Variants in MAST4 observed in about 807,000 individuals in gnomAD.
MAST4 encodes microtubule-associated serine/threonine-protein kinase 4.
MAST4 carries 89 observed loss-of-function variants against 162.7 expected under a neutral mutation model. That is an observed-to-expected ratio of 0.55 (90% CI 0.46 to 0.65). The LOEUF (loss-of-function observed/expected upper bound fraction) is 0.65. MAST4 is among the 30% of genes least tolerant of loss of function. The pLI, the probability that MAST4 is intolerant of heterozygous loss-of-function variation, is 0.00. For missense variants in MAST4, 3,153 were observed against 3,374.0 expected, an observed-to-expected ratio of 0.93 and a Z score of 1.62; for synonymous variants, 1,479 against 1,361.1, an observed-to-expected ratio of 1.09 and a Z score of -1.91.
chr5:66,903,074 G>A (rs890715043), intron 4 of MAST4, among the ~76,000 whole-genome samples: 18 of 152,256 alleles, frequency 1.2e-4, no homozygotes, highest in African/African-American at 3.9e-4. Flanking sequence ...GTACAAGATG[G>A]CATTTATATT....
intron 3 of MAST4, among the ~76,000 whole-genome samples, chr5:66,885,582 T>C (rs1384548665): frequency 1.3e-5 from 2 of 152,200 alleles, no homozygotes; most frequent in Non-Finnish European, 1.5e-5. Flanking sequence ...TTGTTTTTCA[T>C]TAAGAAATGG....
intron 2 of MAST4, among the ~76,000 whole-genome samples, chr5:66,782,673 A>G (rs1398492361): frequency 1.3e-5 from 2 of 152,238 alleles, no homozygotes; most frequent in Non-Finnish European, 2.9e-5. Flanking sequence ...ATTTTTCCAA[A>G]GAACACAGAG....
Position 67,054,449 on chromosome 5 carries a change from A to G in MAST4, c.720A>G (p.Ser240=). Reference sequence around the variant, plus strand: ...AAAGCTTAATAGGCAATGGGCAGTCACCAGCATTGCCTCGACCACACTCAC... The same window carrying G: ...AAAGCTTAATAGGCAATGGGCAGTCGCCAGCATTGCCTCGACCACACTCAC... ...NRKSLIGNGQ[S]PALPRPHSPL... is the part of the protein sequence containing the mutation. Residue 240 remains serine, a synonymous_variant, in exon 5 of 29, where the codon TCA becomes TCG. Coordinates refer to ENST00000403625, the MANE Select transcript of MAST4 (RefSeq NM_001164664.2). 1 of 1,611,754 alleles carries G rather than the reference A, an allele frequency of 6.2e-7. No homozygotes were observed. The highest frequency in any genetic ancestry group is 8.5e-7 in the Non-Finnish European group (1 of 1,179,006).
At chr5:66,623,604 C>T (rs2149410394) in intron 1 of MAST4, among the ~76,000 whole-genome samples, 1 of 152,178 alleles carries the variant, frequency 6.6e-6, no homozygotes, top group South Asian at 2.1e-4. Flanking sequence ...AACTCTGAAC[C>T]AAATAGGCAT....
chr5:66,788,607 C>CCACCCAAA, intron 2 of MAST4, 63 bp from the exon 3 acceptor site: 1 of 1,373,728 alleles, frequency 7.3e-7, no homozygotes, highest in Non-Finnish European at 1.0e-6. Context: ...CCCCCACCCC[C>CCACCCAAA]ATTGCAATAA....
chr5:67,060,818 C>G lies in MAST4; in HGVS notation c.763+6326C>G, dbSNP rs141736801. ...TTTGTAATATTCTACTGCCCCAGGACTTTAACCTTGGAAGATGTGTAGTTG... is the reference window on the plus strand; with the variant it reads ...TTTGTAATATTCTACTGCCCCAGGAGTTTAACCTTGGAAGATGTGTAGTTG... On this transcript the variant is annotated intron_variant, in intron 5 of 28. Coordinates refer to ENST00000403625, the MANE Select transcript of MAST4 (RefSeq NM_001164664.2). 6.7e-4 allele frequency among the ~76,000 whole-genome samples: 102 copies of G among 152,202 alleles called. 2 individuals carry two copies. The highest frequency in any genetic ancestry group is 2.4e-3 in the African/African-American group (99 of 41,536).
chr5:66,694,848 A>G (rs1749296839), intron 1 of MAST4, among the ~76,000 whole-genome samples: 1 of 152,080 alleles, frequency 6.6e-6, no homozygotes, highest in African/African-American at 2.4e-5. Flanking sequence ...AGAAATGTCC[A>G]TGTCCTTTGC....
intron 4 of MAST4, among the ~76,000 whole-genome samples, chr5:66,906,719 A>G (rs1263100554): frequency 6.6e-5 from 10 of 152,224 alleles, no homozygotes; most frequent in Non-Finnish European, 1.3e-4. Flanking sequence ...GTGAAGTGGC[A>G]AGAAACAAGG....
intron 5 of MAST4, among the ~76,000 whole-genome samples, chr5:67,082,147 CT>C (rs60811351): frequency 0.072 from 9,102 of 125,656 alleles, 522 homozygotes; most frequent in African/African-American, 0.24. Context: ...TACCTGTAAT[CT>C]TTTTTTTTTT....
At chr5:66,959,351 G>A (rs1745718630) in intron 4 of MAST4, 1 of 777,804 alleles carries the variant, frequency 1.3e-6, no homozygotes, top group Non-Finnish European at 2.4e-6. Flanking sequence ...TCGCTTTCTG[G>A]CGACCAATAG....
At chr5:66,963,875 G>GCAATCCA (rs1746326765) in intron 4 of MAST4, 2 of 771,602 alleles carry the variant, frequency 2.6e-6, no homozygotes, top group African/African-American at 1.7e-5. Flanking sequence ...TTCAGACTCT[G>GCAATCCA]CAATCCACAA....
rs900517988 is a variant in MAST4, at chr5:67,142,143, A to G, written c.2523A>G (p.Arg841=). 1 of 1,613,846 alleles carries G rather than the reference A, an allele frequency of 6.2e-7. No individual in the cohort carries two copies. The highest frequency in any genetic ancestry group is 1.3e-5 in the African/African-American group (1 of 74,938). Residue 841 remains arginine (R), a synonymous_variant, in exon 20 of 29, where the codon CGA becomes CGG. Transcript: ENST00000403625. The part of the protein sequence containing the change: ...TGGAYEVKQH[R]FFRSLDWNSL... ...GTGCATATGAAGTCAAACAGCATCGATTCTTCCGTTCTTTAGACTGGAACA... is the reference window on the plus strand; with the variant it reads ...GTGCATATGAAGTCAAACAGCATCGGTTCTTCCGTTCTTTAGACTGGAACA...
intron 5 of MAST4, among the ~76,000 whole-genome samples, chr5:67,070,614 A>G (rs1167607129): frequency 6.6e-6 from 1 of 152,222 alleles, no homozygotes; most frequent in Admixed American, 6.5e-5. Context: ...TACCCATAAC[A>G]TCTGCCACCA....
intron 4 of MAST4, among the ~76,000 whole-genome samples, chr5:66,912,320 A>T (rs1051309643): frequency 6.6e-6 from 1 of 152,210 alleles, no homozygotes; most frequent in African/African-American, 2.4e-5. Flanking sequence ...TGGGTTTACC[A>T]GGGGGTTTGT....
chr5:67,057,448 A>G (rs1252279555), intron 5 of MAST4, among the ~76,000 whole-genome samples: 1 of 152,068 alleles, frequency 6.6e-6, no homozygotes, highest in African/African-American at 2.4e-5. Flanking sequence ...AGAGATGGGG[A>G]CATTAATTTG....
intron 3 of MAST4, among the ~76,000 whole-genome samples, chr5:66,790,913 A>G (rs114595777): frequency 0.049 from 7,525 of 152,330 alleles, 278 homozygotes; most frequent in South Asian, 0.13. Context: ...AGCTGCTGCA[A>G]CATTATTCTT....
intron 3 of MAST4, among the ~76,000 whole-genome samples, chr5:66,836,104 G>A (rs1757949851): frequency 1.3e-5 from 2 of 152,010 alleles, no homozygotes; most frequent in African/African-American, 4.8e-5. Context: ...CTGGGAGGTT[G>A]AAGCTGCAGT....
At chr5:66,959,997 ATC>A (rs1366526491) in intron 4 of MAST4, among the ~76,000 whole-genome samples, 1 of 152,184 alleles carries the variant, frequency 6.6e-6, no homozygotes, top group Non-Finnish European at 1.5e-5. Flanking sequence ...TTTATTTTAA[ATC>A]TGTTAGTCAA....
intron 4 of MAST4, among the ~76,000 whole-genome samples, chr5:67,025,831 A>G (rs1018748768): frequency 3.9e-5 from 6 of 152,216 alleles, no homozygotes; most frequent in African/African-American, 1.4e-4. Context: ...GGAGGGCCCC[A>G]AGGCCCGGAC....
Sources: allele counts gnomAD v4.1 joint callset (sites outside exome capture counted in the v4.1 genomes callset), GRCh38; gene constraint gnomAD v4.1.1; transcripts MANE v1.5; gene names NCBI Gene and HGNC (gene_info 2026-07-23, HGNC 2026-07-21).